Variants in DTWD1 observed in about 807,000 individuals in gnomAD.
DTWD1 encodes the protein tRNA-uridine aminocarboxypropyltransferase 1.
A neutral mutation model predicts 30.2 loss-of-function variants in DTWD1; 27 were observed. The observed-to-expected ratio is 0.90, with a 90% CI of 0.66 to 1.23. The LOEUF (loss-of-function observed/expected upper bound fraction) is 1.23, where lower values mean the gene tolerates loss of function less well. Ranked by LOEUF, DTWD1 falls within the 50% of genes most tolerant of loss-of-function variation. DTWD1 has a pLI of 0.00. For synonymous variants in DTWD1, 99 were observed against 113.1 expected (o/e 0.88, Z 0.79); for missense variants, 342 against 348.8 (o/e 0.98, Z 0.15).
intron 4 of DTWD1, among the ~76,000 whole-genome samples, chr15:49,640,829 T>C (rs1021149286): frequency 3.3e-5 from 5 of 152,092 alleles, no homozygotes; most frequent in Non-Finnish European, 1.5e-5. Context: ...AAATATCTTC[T>C]TGCAGTTTGT....
In DTWD1 at chr15:49,651,932, G is replaced by A. The variant is rs2079154645; in HGVS notation, c.*8354G>A. ...ATTGGAACAACCTGCTGAAGGTACAGCTGAACACCAGCTCATAGGCAAATT... is the reference window on the plus strand; with the variant it reads ...ATTGGAACAACCTGCTGAAGGTACAACTGAACACCAGCTCATAGGCAAATT... On this transcript the variant is annotated 3_prime_UTR_variant, in exon 5 of 5. Coordinates refer to ENST00000403028, the MANE Select transcript of DTWD1 (RefSeq NM_001144955.2). The A allele has an allele frequency of 6.6e-6, 1 of 152,090 alleles. No individual in the cohort carries two copies. Among genetic ancestry groups the A allele is most frequent in the African/African-American group, 2.4e-5 (1 of 41,422 alleles). 9.4% of individuals were successfully genotyped at this position (152,090 alleles called of 1,614,324 possible).
At chr15:49,640,884 T>C (rs954227592) in intron 4 of DTWD1, among the ~76,000 whole-genome samples, 1 of 152,088 alleles carries the variant, frequency 6.6e-6, no homozygotes, top group Non-Finnish European at 1.5e-5. Context: ...AAAAAACTTT[T>C]AGTGTGGAAT....
At chr15:49,630,885 T>A in intron 2 of DTWD1, 1 of 245,884 alleles carries the variant, frequency 4.1e-6, no homozygotes, top group Non-Finnish European at 8.7e-6. Flanking sequence ...GCGGCAGCAT[T>A]AGATTCTCAT....
chr15:49,652,715 G>C lies in DTWD1; in HGVS notation c.*9137G>C, dbSNP rs142966889. On this transcript the variant is annotated 3_prime_UTR_variant, in exon 5 of 5. Transcript: ENST00000403028. ...GAAAAGAGGTCTCTTGATTCCTTTAGGAACTGCTCCCTAAGCATACAGGGA... is the reference window on the plus strand; with the variant it reads ...GAAAAGAGGTCTCTTGATTCCTTTACGAACTGCTCCCTAAGCATACAGGGA... The C allele has an allele frequency of 3.5e-5, 5 of 144,464 alleles. No homozygotes were observed. The highest frequency in any genetic ancestry group is 1.4e-4 in the African/African-American group (5 of 34,910). The allele number at this position is 144,464 out of a possible 1,614,324, so 8.9% of individuals were successfully genotyped here.
chr15:49,621,754 T>A (rs2078722565), intron 1 of DTWD1, among the ~76,000 whole-genome samples: 1 of 152,142 alleles, frequency 6.6e-6, no homozygotes, highest in Admixed American at 6.5e-5. Flanking sequence ...GGCAAGACAG[T>A]TTGTTACCAT....
intron 2 of DTWD1, among the ~76,000 whole-genome samples, chr15:49,627,248 A>G (rs1428075685): frequency 6.6e-6 from 1 of 152,172 alleles, no homozygotes; most frequent in South Asian, 2.1e-4. Flanking sequence ...TAAAGTGTTT[A>G]TATTTTAATG....
In DTWD1 at chr15:49,643,306, CTTTTTTTT is replaced by C. The variant is rs5812490; in HGVS notation, c.668-13_668-6del. On this transcript the variant is annotated splice_polypyrimidine_tract_variant and intron_variant, in intron 4 of 4. Coordinates refer to ENST00000403028, the MANE Select transcript of DTWD1 (RefSeq NM_001144955.2). The stretch of plus-strand genomic sequence containing the variant: ...ATTTATATTTTTTCTTTCTTTCTTT[CTTTTTTTT>C]TTTTTTTTTTTGACAGGGTTGTTAC... 2.1e-3 allele frequency: 2,569 copies of C among 1,201,878 alleles called. 13 individuals are homozygous for C. In the East Asian group the frequency reaches 0.025, roughly 12 times the overall value. 74.5% of individuals were successfully genotyped at this position (1,201,878 alleles called of 1,614,324 possible). A position where few individuals can be genotyped will look rare whatever the true frequency, so the allele number is the denominator to read the frequency against.
rs897858497 is a variant in DTWD1, at chr15:49,650,533, A to G, written c.*6955A>G. ...AGATAGTTTAGACATTGTGGTAGAT[A>G]TGAAAATGTGCTGCCTATATCCCCC... On this transcript the variant is annotated 3_prime_UTR_variant, in exon 5 of 5. Transcript: ENST00000403028. The G allele has an allele frequency of 3.3e-5, 5 of 152,154 alleles. No homozygotes were observed. Among genetic ancestry groups the G allele is most frequent in the Non-Finnish European group, 7.3e-5 (5 of 68,030 alleles). The allele number at this position is 152,154 out of a possible 1,614,324, so 9.4% of individuals were successfully genotyped here.
chr15:49,652,381 G>C lies in DTWD1; in HGVS notation c.*8803G>C, dbSNP rs947600252. 5 of 152,172 alleles carry C rather than the reference G, an allele frequency of 3.3e-5. No homozygotes were observed. Among genetic ancestry groups the C allele is most frequent in the Non-Finnish European group, 5.9e-5 (4 of 68,042 alleles). The allele number at this position is 152,172 out of a possible 1,614,324, so 9.4% of individuals were successfully genotyped here. ...GAATCCTGGTTACACAATCTGGGCA[G>C]AAGTAATAAATGTGGTGCCCAAGTG... is the stretch of plus-strand genomic sequence containing the variant. On this transcript the variant is annotated 3_prime_UTR_variant, in exon 5 of 5. Coordinates refer to ENST00000403028, the MANE Select transcript of DTWD1 (RefSeq NM_001144955.2).
At chr15:49,643,306 C>CTTTTTTTTTTTTTTTTTTTTTTTTTG in intron 4 of DTWD1, 25 bp from the exon 5 acceptor site, 1 of 1,200,954 alleles carries the variant, frequency 8.3e-7, no homozygotes, top group South Asian at 2.1e-5. Context: ...TTCTTTCTTT[C>CTTTTTTTTTTTTTTTTTTTTTTTTTG]TTTTTTTTTT....
intron 2 of DTWD1, among the ~76,000 whole-genome samples, chr15:49,626,112 T>A (rs150623616): frequency 1.1e-4 from 17 of 152,278 alleles, no homozygotes; most frequent in East Asian, 7.7e-4. Flanking sequence ...TTTTCATTAA[T>A]GATTTTAATT....
At position 49,655,778 on chromosome 15, in the gene DTWD1, TG is replaced by T. The variant is rs1282609046; in HGVS notation, c.*12201del. ...ATCTTTTCCCTGAGATCATTTATGA[TG>T]TGGAAATTACTTTGCTGGCTGAAGT... On this transcript the variant is annotated 3_prime_UTR_variant, in exon 5 of 5. Transcript: ENST00000403028. 1 of 152,068 alleles carries T rather than the reference TG, an allele frequency of 6.6e-6. No homozygotes were observed. Among genetic ancestry groups the T allele is most frequent in the Non-Finnish European group, 1.5e-5 (1 of 67,988 alleles). 9.4% of individuals were successfully genotyped at this position (152,068 alleles called of 1,614,324 possible). A position where few individuals can be genotyped will look rare whatever the true frequency, so the allele number is the denominator to read the frequency against.
chr15:49,641,626 G>A (rs12591659), intron 4 of DTWD1, among the ~76,000 whole-genome samples: 37,809 of 151,884 alleles, frequency 0.25, 5,651 homozygotes, highest in Non-Finnish European at 0.35. Flanking sequence ...TCTTGTTGGC[G>A]TATGTTCAGT....
chr15:49,642,571 G>A (rs28561996), intron 4 of DTWD1, among the ~76,000 whole-genome samples: 1 of 152,038 alleles, frequency 6.6e-6, no homozygotes, highest in Non-Finnish European at 1.5e-5. Context: ...CCAGTATTAA[G>A]GAACATTAAG....
Position 49,623,350 on chromosome 15 carries a change from C to T in DTWD1, c.-55-1763C>T, listed in dbSNP as rs566247195. Among the ~76,000 whole-genome samples the T allele has an allele frequency of 2.6e-4, 40 of 152,170 alleles. No individual in the cohort carries two copies. The South Asian group carries it at 7.1e-3, about 27-fold the overall frequency. On this transcript the variant is annotated intron_variant, in intron 1 of 4. Transcript: ENST00000403028. ...AGAGAGTTTAGGTGAAACTTAGCTT[C>T]GTATGTGCAGCAAAGAGACGCCAAC...
At chr15:49,636,787 G>A (rs1260215191) in intron 4 of DTWD1, among the ~76,000 whole-genome samples, 1 of 152,128 alleles carries the variant, frequency 6.6e-6, no homozygotes, top group East Asian at 1.9e-4. Flanking sequence ...CCAATTCATA[G>A]GTGAATTCAT....
rs77848231 is a variant in DTWD1, at chr15:49,652,278, C to G, written c.*8700C>G. 4.6e-5 allele frequency: 7 copies of G among 152,062 alleles called. No individual in the cohort carries two copies. The highest frequency in any genetic ancestry group is 1.0e-4 in the Non-Finnish European group (7 of 68,026). 9.4% of individuals were successfully genotyped at this position (152,062 alleles called of 1,614,324 possible). A position where few individuals can be genotyped will look rare whatever the true frequency, so the allele number is the denominator to read the frequency against. On this transcript the variant is annotated 3_prime_UTR_variant, in exon 5 of 5. Coordinates refer to ENST00000403028, the MANE Select transcript of DTWD1 (RefSeq NM_001144955.2). ...GCTGCAGCAGCTACCTGGATACTTT[C>G]GGTTCCTTGTGTCTGTCTAGGGAGC...
intron 4 of DTWD1, 25 bp from the exon 5 acceptor site, chr15:49,643,305 TC>T (rs368739617): frequency 4.6e-6 from 6 of 1,315,114 alleles, no homozygotes; most frequent in Non-Finnish European, 6.0e-6. Context: ...TTTCTTTCTT[TC>T]TTTTTTTTTT....
In DTWD1 at chr15:49,649,990, A is replaced by C. The variant is rs1040904250; in HGVS notation, c.*6412A>C. 1 of 150,068 alleles carries C rather than the reference A, an allele frequency of 6.7e-6. No homozygotes were observed. Among genetic ancestry groups the C allele is most frequent in the Non-Finnish European group, 1.5e-5 (1 of 68,034 alleles). The allele number at this position is 150,068 out of a possible 1,614,324, so 9.3% of individuals were successfully genotyped here. Reference sequence around the variant, plus strand: ...ATGGAAAAGCCTGTGATAAGGTAAAATTGAGCAGAGACCTAAATGAGAGAG... The same window carrying C: ...ATGGAAAAGCCTGTGATAAGGTAAACTTGAGCAGAGACCTAAATGAGAGAG... On this transcript the variant is annotated 3_prime_UTR_variant, in exon 5 of 5. Coordinates refer to ENST00000403028, the MANE Select transcript of DTWD1 (RefSeq NM_001144955.2).
Sources: gnomAD v4.1 joint callset for allele counts (sites outside exome capture counted in the v4.1 genomes callset) on GRCh38, gnomAD v4.1.1 for gene constraint, MANE v1.5 for transcripts, NCBI Gene and HGNC (gene_info 2026-07-23, HGNC 2026-07-21) for gene names.